Variants in TNFSF4 observed in about 807,000 individuals in gnomAD.
TNFSF4 encodes the protein tumor necrosis factor ligand superfamily member 4.
TNFSF4 carries 4 observed loss-of-function variants against 7.3 expected under a neutral mutation model. That is an observed-to-expected ratio of 0.55 (90% CI 0.27 to 1.25). The LOEUF (loss-of-function observed/expected upper bound fraction) is 1.25. Ranked by LOEUF, TNFSF4 falls within the 50% of genes most tolerant of loss-of-function variation. The pLI, the probability that TNFSF4 is intolerant of heterozygous loss-of-function variation, is 0.12. For missense variants in TNFSF4, 181 were observed against 208.8 expected, an observed-to-expected ratio of 0.87 and a Z score of 0.82; for synonymous variants, 76 against 83.7, an observed-to-expected ratio of 0.91 and a Z score of 0.50.
At chr1:173,399,319 C>T in the TNFSF4 span, among the ~76,000 whole-genome samples, 1 of 152,194 alleles carries the variant, frequency 6.6e-6, no homozygotes, top group East Asian at 1.9e-4. Flanking sequence ...GATGATTCTG[C>T]ATAATACACA....
At chr1:173,273,277 G>C in the TNFSF4 span, among the ~76,000 whole-genome samples, 1 of 152,140 alleles carries the variant, frequency 6.6e-6, no homozygotes, top group African/African-American at 2.4e-5. Context: ...CCATAAATTT[G>C]ATGTTTGTTC....
the TNFSF4 span, among the ~76,000 whole-genome samples, chr1:173,412,440 A>G: frequency 1.3e-5 from 2 of 152,280 alleles, no homozygotes; most frequent in South Asian, 4.1e-4. Context: ...AGAACAAATT[A>G]AAAGCATTAA....
At chr1:173,332,753 G>A in the TNFSF4 span, among the ~76,000 whole-genome samples, 1 of 151,896 alleles carries the variant, frequency 6.6e-6, no homozygotes, top group African/African-American at 2.4e-5. Context: ...TACTCAGGAG[G>A]CTGAGGCAGG....
At chr1:173,195,767 G>A (rs746426024) in intron 1 of TNFSF4, among the ~76,000 whole-genome samples, 13 of 152,148 alleles carry the variant, frequency 8.5e-5, no homozygotes, top group Non-Finnish European at 1.5e-4. Flanking sequence ...TCACTATACC[G>A]GCCTTGCCAT....
the TNFSF4 span, among the ~76,000 whole-genome samples, chr1:173,336,859 T>A: frequency 1.3e-5 from 2 of 151,996 alleles, no homozygotes; most frequent in African/African-American, 4.8e-5. Flanking sequence ...TAAAGGTCAG[T>A]CATGGCATCT....
the TNFSF4 span, among the ~76,000 whole-genome samples, chr1:173,444,071 T>C: frequency 6.6e-6 from 1 of 152,152 alleles, no homozygotes; most frequent in Non-Finnish European, 1.5e-5. Flanking sequence ...CACTACCAAA[T>C]TCTTTCCATT....
At chr1:173,243,004 TGGGGG>T in the TNFSF4 span, among the ~76,000 whole-genome samples, 1 of 25,736 alleles carries the variant, frequency 3.9e-5, no homozygotes, top group Non-Finnish European at 7.6e-5. Context: ...AGTTGGTGGG[TGGGGG>T]GGGGGGGGGA....
chr1:173,188,784 C>T (rs1282317406), intron 1 of TNFSF4, among the ~76,000 whole-genome samples: 2 of 152,144 alleles, frequency 1.3e-5, no homozygotes, highest in Non-Finnish European at 2.9e-5. Context: ...ACAATCACGG[C>T]TCCCTGCAGC....
the TNFSF4 span, among the ~76,000 whole-genome samples, chr1:173,239,855 A>G: frequency 1.3e-5 from 2 of 152,144 alleles, no homozygotes; most frequent in Admixed American, 6.6e-5. Context: ...ACATGATGAA[A>G]TCTCATCTCT....
At chr1:173,234,919 C>T in the TNFSF4 span, among the ~76,000 whole-genome samples, 1 of 151,752 alleles carries the variant, frequency 6.6e-6, no homozygotes, top group African/African-American at 2.4e-5. Flanking sequence ...GTTGTGTGCA[C>T]GTGGACCCTA....
At chr1:173,205,580 A>G (rs1230821348) in intron 1 of TNFSF4, 80 of 1,227,620 alleles carry the variant, frequency 6.5e-5, no homozygotes, top group Admixed American at 1.2e-4. Context: ...GTGTAAGGAA[A>G]TATGTAACAC....
chr1:173,389,792 C>T, the TNFSF4 span, among the ~76,000 whole-genome samples: 2 of 152,086 alleles, frequency 1.3e-5, no homozygotes, highest in Admixed American at 6.6e-5. Context: ...CATAACTCTT[C>T]CTTTGAGTTT....
chr1:173,204,506 G>C (rs1296028684), intron 1 of TNFSF4, among the ~76,000 whole-genome samples: 1 of 152,142 alleles, frequency 6.6e-6, no homozygotes, highest in Non-Finnish European at 1.5e-5. Context: ...AGCTATATCT[G>C]TATTTACAGA....
At chr1:173,230,333 G>C in the TNFSF4 span, among the ~76,000 whole-genome samples, 2 of 152,096 alleles carry the variant, frequency 1.3e-5, no homozygotes, top group African/African-American at 4.8e-5. Context: ...ATGACTACTG[G>C]GTACATAACA....
chr1:173,252,271 C>G, the TNFSF4 span, among the ~76,000 whole-genome samples: 2 of 152,084 alleles, frequency 1.3e-5, no homozygotes, highest in South Asian at 4.1e-4. Flanking sequence ...TCCAGAAAGT[C>G]TATCTTACAA....
chr1:173,400,082 T>C, the TNFSF4 span, among the ~76,000 whole-genome samples: 1 of 152,246 alleles, frequency 6.6e-6, no homozygotes, highest in Non-Finnish European at 1.5e-5. Context: ...TCCATAAGCT[T>C]ACAGAATGAC....
At chr1:173,401,238 T>C in the TNFSF4 span, among the ~76,000 whole-genome samples, 2 of 152,326 alleles carry the variant, frequency 1.3e-5, no homozygotes, top group African/African-American at 2.4e-5. Flanking sequence ...GATAGTAATA[T>C]CATGTGGAAT....
the TNFSF4 span, among the ~76,000 whole-genome samples, chr1:173,409,553 T>G: frequency 6.6e-6 from 1 of 152,196 alleles, no homozygotes; most frequent in African/African-American, 2.4e-5. Context: ...TCTTTAGGAT[T>G]GAAATTATTT....
the TNFSF4 span, among the ~76,000 whole-genome samples, chr1:173,300,787 T>G: frequency 6.6e-5 from 10 of 151,892 alleles, no homozygotes; most frequent in Non-Finnish European, 1.5e-5. Flanking sequence ...GAGTTGATCT[T>G]ATTTTGAAAG....
Sources: gnomAD v4.1 joint callset for allele counts (sites outside exome capture counted in the v4.1 genomes callset) on GRCh38, gnomAD v4.1.1 for gene constraint, MANE v1.5 for transcripts, NCBI Gene and HGNC (gene_info 2026-07-23, HGNC 2026-07-21) for gene names.